Variants in OSTN observed in about 807,000 individuals in gnomAD.
OSTN encodes the protein osteocrin.
In OSTN, 9 loss-of-function variants were observed where a neutral mutation model predicts 12.0. The observed-to-expected ratio is 0.75, with a 90% CI of 0.45 to 1.30. OSTN has a LOEUF of 1.30. OSTN is among the 50% of genes most tolerant of loss of function. The pLI is 0.00. For synonymous variants in OSTN, 59 were observed against 56.9 expected, an observed-to-expected ratio of 1.04 and a Z score of -0.16; for missense variants, 148 against 152.3, an observed-to-expected ratio of 0.97 and a Z score of 0.15.
At chr3:191,199,711 C>T (rs1055058021) in intron 1 of OSTN, among the ~76,000 whole-genome samples, 1 of 152,028 alleles carries the variant, frequency 6.6e-6, no homozygotes, top group African/African-American at 2.4e-5. Context: ...TTATTTCTAT[C>T]AAAACTGGAG....
At chr3:191,236,069 A>T (rs1485076940) in intron 3 of OSTN, among the ~76,000 whole-genome samples, 1 of 152,218 alleles carries the variant, frequency 6.6e-6, no homozygotes, top group Non-Finnish European at 1.5e-5. Flanking sequence ...TTCCTGAGCT[A>T]TTCAATATGA....
chr3:191,220,219 C>T (rs1489930071), intron 3 of OSTN, among the ~76,000 whole-genome samples: 1 of 152,056 alleles, frequency 6.6e-6, no homozygotes, highest in African/African-American at 2.4e-5. Context: ...ATTTGCTATA[C>T]CTCTGTTCTG....
intron 3 of OSTN, among the ~76,000 whole-genome samples, chr3:191,246,269 C>T (rs1431295957): frequency 6.6e-6 from 1 of 151,798 alleles, no homozygotes; most frequent in East Asian, 1.9e-4. Flanking sequence ...GTTGGCAGAA[C>T]TCAGTTCCTT....
intron 3 of OSTN, among the ~76,000 whole-genome samples, chr3:191,220,947 T>A (rs1714745990): frequency 1.3e-5 from 2 of 152,158 alleles, no homozygotes; most frequent in Admixed American, 1.3e-4. Flanking sequence ...CATTGAAATC[T>A]CATCTTGAAT....
At chr3:191,222,367 G>T (rs1246117478) in intron 3 of OSTN, among the ~76,000 whole-genome samples, 2 of 152,226 alleles carry the variant, frequency 1.3e-5, no homozygotes, top group African/African-American at 2.4e-5. Context: ...GAGACATGAA[G>T]TCAAAGGAGA....
intron 4 of OSTN, among the ~76,000 whole-genome samples, chr3:191,258,681 C>T (rs1015160010): frequency 6.6e-6 from 1 of 151,424 alleles, no homozygotes; most frequent in Non-Finnish European, 1.5e-5. Flanking sequence ...AAAATCAAGG[C>T]TTTCACTGAA....
intron 3 of OSTN, among the ~76,000 whole-genome samples, chr3:191,232,924 A>G (rs1715097784): frequency 6.6e-6 from 1 of 152,042 alleles, no homozygotes; most frequent in South Asian, 2.1e-4. Flanking sequence ...CATAAATGCT[A>G]TCTTTCATTT....
chr3:191,231,019 C>G lies in OSTN; in HGVS notation c.317+12058C>G, dbSNP rs186377742. ...CTCCGAATGCATACTCTTTAGTCTT[C>G]TATATTTTTATTTTTTATAGTTGAT... On this transcript the variant is annotated intron_variant, in intron 3 of 4. Coordinates refer to ENST00000682035, the MANE Select transcript of OSTN (RefSeq NM_198184.2). 4.6e-3 allele frequency among the ~76,000 whole-genome samples: 697 copies of G among 152,196 alleles called. 7 individuals carry two copies. Among genetic ancestry groups the G allele is most frequent in the African/African-American group, 0.016 (668 of 41,514 alleles).
chr3:191,246,596 C>A lies in OSTN; in HGVS notation c.318-3441C>A, dbSNP rs1169449217. On this transcript the variant is annotated intron_variant, in intron 3 of 4. Transcript: ENST00000682035. ...CTCCAGCCTGGGTGACAGAGCTAGACCCTGTATCAAAAAAAAAAAAAGAAA... is the reference window on the plus strand; with the variant it reads ...CTCCAGCCTGGGTGACAGAGCTAGAACCTGTATCAAAAAAAAAAAAAGAAA... 2.3e-5 allele frequency among the ~76,000 whole-genome samples: 3 copies of A among 132,138 alleles called. No individual in the cohort carries two copies. The Admixed American group carries it at 2.5e-4, about 11-fold the overall frequency. 86.7% of individuals were successfully genotyped at this position (132,138 alleles called of 152,430 possible).
chr3:191,213,698 T>G (rs1449990169), intron 2 of OSTN, among the ~76,000 whole-genome samples: 1 of 151,976 alleles, frequency 6.6e-6, no homozygotes, highest in Non-Finnish European at 1.5e-5. Context: ...AACATGTTCT[T>G]TGTGTTTCTT....
intron 3 of OSTN, among the ~76,000 whole-genome samples, chr3:191,223,539 T>C (rs55845922): frequency 0.12 from 18,223 of 152,212 alleles, 3,635 homozygotes; most frequent in African/African-American, 0.42. Context: ...GAGTATTTGA[T>C]TGCTTCACGG....
intron 3 of OSTN, among the ~76,000 whole-genome samples, chr3:191,245,077 T>C (rs1294191868): frequency 2.0e-5 from 3 of 152,220 alleles, no homozygotes; most frequent in Non-Finnish European, 1.5e-5. Context: ...ACTTTTCAGA[T>C]ATTGCTCTCT....
At chr3:191,243,707 A>C (rs957884588) in intron 3 of OSTN, among the ~76,000 whole-genome samples, 1 of 152,164 alleles carries the variant, frequency 6.6e-6, no homozygotes, top group Non-Finnish European at 1.5e-5. Flanking sequence ...TGGTGAGAAC[A>C]CTTAAGATCT....
chr3:191,204,197 T>A (rs1217499670), intron 1 of OSTN, among the ~76,000 whole-genome samples: 1 of 152,100 alleles, frequency 6.6e-6, no homozygotes, highest in African/African-American at 2.4e-5. Flanking sequence ...GCTGATATTT[T>A]AATTTTTTTT....
At chr3:191,220,437 A>G (rs1714733319) in intron 3 of OSTN, among the ~76,000 whole-genome samples, 1 of 152,204 alleles carries the variant, frequency 6.6e-6, no homozygotes, top group South Asian at 2.1e-4. Context: ...CATACCTCAA[A>G]AAAAATCACA....
intron 3 of OSTN, among the ~76,000 whole-genome samples, chr3:191,226,869 G>A (rs989446988): frequency 6.6e-6 from 1 of 152,082 alleles, no homozygotes; most frequent in Non-Finnish European, 1.5e-5. Flanking sequence ...AATTCTAAAT[G>A]CATCAGAGAT....
At chr3:191,225,789 A>G (rs1031408196) in intron 3 of OSTN, among the ~76,000 whole-genome samples, 1 of 152,126 alleles carries the variant, frequency 6.6e-6, no homozygotes, top group Non-Finnish European at 1.5e-5. Flanking sequence ...ACCCATGGGC[A>G]TAAAGAGGAA....
chr3:191,207,023 C>T lies in OSTN; in HGVS notation c.1-5510C>T, dbSNP rs147367724. ...TTTTAGGCGGTGTTGTCGGCAGGCA[C>T]GCATGGTCATTTCATGGTGTCAGAA... On this transcript the variant is annotated intron_variant, in intron 1 of 4. Coordinates refer to ENST00000682035, the MANE Select transcript of OSTN (RefSeq NM_198184.2). Among the ~76,000 whole-genome samples the T allele has an allele frequency of 2.7e-3, 416 of 152,228 alleles. 6 individuals are homozygous for T. The highest frequency in any genetic ancestry group is 9.6e-3 in the African/African-American group (399 of 41,536).
At chr3:191,241,206 C>T (rs1576935390) in intron 3 of OSTN, among the ~76,000 whole-genome samples, 1 of 64,642 alleles carries the variant, frequency 1.5e-5, no homozygotes, top group Non-Finnish European at 3.2e-5. Context: ...TGAGACGGAG[C>T]CTTGCTCTGT....
Sources: gnomAD v4.1 joint callset for allele counts (sites outside exome capture counted in the v4.1 genomes callset) on GRCh38, gnomAD v4.1.1 for gene constraint, MANE v1.5 for transcripts, NCBI Gene and HGNC (gene_info 2026-07-23, HGNC 2026-07-21) for gene names.